IPO5: variants seen among roughly 807,000 people sequenced by gnomAD.
IPO5 encodes importin 5, also known as importin-5.
IPO5 carries 18 observed loss-of-function variants against 143.3 expected under a neutral mutation model. The ratio of observed to expected loss-of-function variants is 0.13; its 90% CI spans 0.09 to 0.19. The LOEUF is 0.19. Ranked by LOEUF, IPO5 falls within the 10% of genes least tolerant of loss-of-function variation. The pLI, the probability that IPO5 is intolerant of heterozygous loss-of-function variation, is 1.00. For missense variants in IPO5, 1,013 were observed against 1,336.9 expected, an observed-to-expected ratio of 0.76 and a Z score of 3.78; for synonymous variants, 477 against 465.7, an observed-to-expected ratio of 1.02 and a Z score of -0.31.
chr13:97,956,632 G>T (rs535833552), intron 2 of IPO5, among the ~76,000 whole-genome samples: 1 of 152,150 alleles, frequency 6.6e-6, no homozygotes, highest in Non-Finnish European at 1.5e-5. Flanking sequence ...TTTCTCTAAA[G>T]CTTCTCCTAA....
intron 2 of IPO5, among the ~76,000 whole-genome samples, chr13:97,955,373 C>T (rs1884388062): frequency 6.6e-6 from 1 of 152,158 alleles, no homozygotes; most frequent in African/African-American, 2.4e-5. Context: ...GGTCATCTGC[C>T]TTCCAAAGCA....
At chr13:97,967,845 A>G (rs983715224) in intron 2 of IPO5, among the ~76,000 whole-genome samples, 2 of 152,134 alleles carry the variant, frequency 1.3e-5, no homozygotes, top group Non-Finnish European at 2.9e-5. Context: ...GTTAGCCAGG[A>G]TGGTCTTGAT....
intron 6 of IPO5, among the ~76,000 whole-genome samples, chr13:97,988,668 A>G (rs2139680719): frequency 6.6e-6 from 1 of 152,302 alleles, no homozygotes; most frequent in African/African-American, 2.4e-5. Context: ...GGCGCCTGTA[A>G]TCCCAGCTAC....
At chr13:97,974,981 G>A (rs773706297) in intron 3 of IPO5, among the ~76,000 whole-genome samples, 1 of 152,180 alleles carries the variant, frequency 6.6e-6, no homozygotes, top group African/African-American at 2.4e-5. Flanking sequence ...AAACACAGTG[G>A]CCAAGATTTA....
At chr13:98,014,341 A>G in intron 22 of IPO5, 127 bp downstream of exon 22, 2 of 622,528 alleles carry the variant, frequency 3.2e-6, no homozygotes, top group East Asian at 3.0e-5. Flanking sequence ...GCAGTGGCGC[A>G]ATCGCAGCTC....
At chr13:97,990,569 A>G in intron 9 of IPO5, 32 bp downstream of exon 9, 1 of 1,258,080 alleles carries the variant, frequency 7.9e-7, no homozygotes. Context: ...AATCATAATT[A>G]TATCTTATTT....
At chr13:98,011,884 C>T (rs539529780) in intron 20 of IPO5, among the ~76,000 whole-genome samples, 2 of 152,272 alleles carry the variant, frequency 1.3e-5, no homozygotes, top group African/African-American at 4.8e-5. Flanking sequence ...CTGATGGTTT[C>T]AGGGTTTTTT....
intron 12 of IPO5, 87 bp downstream of exon 12, chr13:97,997,705 G>A (rs971858600): frequency 5.0e-5 from 33 of 653,732 alleles, no homozygotes; most frequent in African/African-American, 4.6e-4. Context: ...TAACCTGAAG[G>A]TAAACTTTTA....
chr13:97,979,703 A>G (rs1594052272), intron 4 of IPO5, among the ~76,000 whole-genome samples: 1 of 152,196 alleles, frequency 6.6e-6, no homozygotes, highest in South Asian at 2.1e-4. Context: ...AATTTCATTG[A>G]GTGTTTTTTG....
At chr13:98,021,375 C>T in intron 28 of IPO5, 1 of 380,254 alleles carries the variant, frequency 2.6e-6, no homozygotes, top group East Asian at 4.0e-5. Flanking sequence ...GTGCTTAACA[C>T]AAGCTTATGT....
intron 20 of IPO5, among the ~76,000 whole-genome samples, chr13:98,011,329 C>T (rs1026097619): frequency 1.3e-5 from 2 of 152,090 alleles, no homozygotes; most frequent in African/African-American, 2.4e-5. Flanking sequence ...CTTACTCTGT[C>T]GCTCAGGCTG....
At chr13:98,008,281 T>G in intron 18 of IPO5, 139 bp downstream of exon 18, 1 of 576,476 alleles carries the variant, frequency 1.7e-6, no homozygotes, top group Non-Finnish European at 3.1e-6. Context: ...CTTCACTGAT[T>G]TTCCTTCTGT....
chr13:97,954,570 T>C (rs2139449565), intron 2 of IPO5, among the ~76,000 whole-genome samples: 1 of 152,274 alleles, frequency 6.6e-6, no homozygotes, highest in East Asian at 1.9e-4. Flanking sequence ...GTCAAGTAAA[T>C]GAAGGAAAAC....
rs1482321985 is a variant in IPO5, at chr13:97,985,631, C to G, written c.364+18C>G. The stretch of plus-strand genomic sequence containing the variant: ...TTTAATAGGTGTGTATGCAGGTGCA[C>G]TCATGTTACCAAGAACATGGGTATA... On this transcript the variant is annotated intron_variant, in intron 6 of 28. Transcript: ENST00000651721. 5 of 1,572,708 alleles carry G rather than the reference C, an allele frequency of 3.2e-6. No individual in the cohort carries two copies. In the African/African-American group the frequency reaches 5.5e-5, roughly 17 times the overall value.
intron 2 of IPO5, among the ~76,000 whole-genome samples, chr13:97,965,884 A>C (rs1297245263): frequency 6.6e-6 from 1 of 151,878 alleles, no homozygotes; most frequent in African/African-American, 2.4e-5. Context: ...CACGCCTGTA[A>C]TCCCAGCACT....
intron 21 of IPO5, among the ~76,000 whole-genome samples, chr13:98,013,201 A>G (rs544091998): frequency 6.6e-6 from 1 of 152,222 alleles, no homozygotes; most frequent in Admixed American, 6.5e-5. Context: ...GATCACAGAC[A>G]TGCGCTACCA....
At chr13:97,959,761 G>C (rs560483200) in intron 2 of IPO5, among the ~76,000 whole-genome samples, 1 of 151,932 alleles carries the variant, frequency 6.6e-6, no homozygotes, top group African/African-American at 2.4e-5. Flanking sequence ...TGTCCCTAGG[G>C]TATGACCCCA....
At chr13:98,019,325 G>A (rs1296541797) in intron 26 of IPO5, among the ~76,000 whole-genome samples, 2 of 152,180 alleles carry the variant, frequency 1.3e-5, no homozygotes, top group Non-Finnish European at 2.9e-5. Flanking sequence ...CGGGTGATGT[G>A]ATGAGTACTG....
At chr13:97,965,999 G>T (rs1480745234) in intron 2 of IPO5, among the ~76,000 whole-genome samples, 1 of 151,832 alleles carries the variant, frequency 6.6e-6, no homozygotes, top group Non-Finnish European at 1.5e-5. Flanking sequence ...AAAATTAGCT[G>T]GGTGTGGTGG....
Sources: gnomAD v4.1 joint callset for allele counts (sites outside exome capture counted in the v4.1 genomes callset) on GRCh38, gnomAD v4.1.1 for gene constraint, MANE v1.5 for transcripts, NCBI Gene and HGNC (gene_info 2026-07-23, HGNC 2026-07-21) for gene names.